The following SLC35A3 variants were observed in gnomAD, a reference collection of about 807,000 sequenced individuals.
SLC35A3 encodes the protein solute carrier family 35 member A3, also known as UDP-N-acetylglucosamine transporter.
Under a neutral mutation model 39.0 loss-of-function variants are expected in SLC35A3, and 26 were observed. The ratio of observed to expected loss-of-function variants is 0.67; its 90% CI spans 0.49 to 0.92. SLC35A3 has a LOEUF of 0.92. Ranked by LOEUF, SLC35A3 falls within the 40% of genes least tolerant of loss-of-function variation. SLC35A3 has a pLI of 0.00. For synonymous variants in SLC35A3, 135 were observed against 133.1 expected, an observed-to-expected ratio of 1.01 and a Z score of -0.10; for missense variants, 299 against 371.6, an observed-to-expected ratio of 0.80 and a Z score of 1.61.
At position 99,984,187 on chromosome 1, in the gene SLC35A3, A is replaced by T. The variant is rs536401864; in HGVS notation, c.-18-9350A>T. Among the ~76,000 whole-genome samples, 109 of 152,332 alleles carry T rather than the reference A, an allele frequency of 7.2e-4. 1 individual carries two copies. The highest frequency in any genetic ancestry group is 1.3e-3 in the Non-Finnish European group (86 of 68,028). Reference sequence around the variant, plus strand: ...TATGAAATATTAAATTTTTAAAAATAGCATAAAAACACTTGTGTCTTATAT... The same window carrying T: ...TATGAAATATTAAATTTTTAAAAATTGCATAAAAACACTTGTGTCTTATAT... On this transcript the variant is annotated intron_variant, in intron 1 of 7. Transcript: ENST00000533028.
At chr1:99,989,283 T>C (rs945839789) in intron 1 of SLC35A3, among the ~76,000 whole-genome samples, 2 of 152,086 alleles carry the variant, frequency 1.3e-5, no homozygotes, top group African/African-American at 4.8e-5. Flanking sequence ...TGTTTTTTTG[T>C]TTTGTTTTGT....
chr1:99,989,344 C>T (rs2101104130), intron 1 of SLC35A3, among the ~76,000 whole-genome samples: 1 of 152,004 alleles, frequency 6.6e-6, no homozygotes, highest in South Asian at 2.1e-4. Context: ...AGTACAATGG[C>T]CTAGTCTTGG....
At position 100,023,182 on chromosome 1, in the gene SLC35A3, T is replaced by C. The variant is rs1018253013; in HGVS notation, c.*706T>C. On this transcript the variant is annotated 3_prime_UTR_variant, in exon 8 of 8. Transcript: ENST00000533028. ...GCAATCCAGTTGCTCCTGTGCTAGA[T>C]GGTAGCCAGAGAATTTTATAGTAAT... The C allele has an allele frequency of 3.9e-5, 6 of 152,204 alleles. No homozygotes were observed. Among genetic ancestry groups the C allele is most frequent in the African/African-American group, 1.4e-4 (6 of 41,458 alleles). The allele number at this position is 152,204 out of a possible 1,614,324, so 9.4% of individuals were successfully genotyped here.
intron 2 of SLC35A3, among the ~76,000 whole-genome samples, chr1:99,994,917 C>T (rs897617965): frequency 6.6e-6 from 1 of 152,192 alleles, no homozygotes; most frequent in Non-Finnish European, 1.5e-5. Flanking sequence ...TTTATATCTC[C>T]ATCAACAAAG....
At chr1:99,970,233 T>G (rs2100995809) in intron 1 of SLC35A3, 71 bp downstream of exon 1, 1 of 232,966 alleles carries the variant, frequency 4.3e-6, no homozygotes, top group African/African-American at 2.3e-5. Context: ...CCCGGGAAGC[T>G]CCTGGAGGAG....
At chr1:99,992,125 T>C (rs758429166) in intron 1 of SLC35A3, among the ~76,000 whole-genome samples, 10 of 152,178 alleles carry the variant, frequency 6.6e-5, no homozygotes, top group Non-Finnish European at 1.2e-4. Flanking sequence ...TGGGTTTTCT[T>C]TTTTGTTGTT....
At position 100,027,941 on chromosome 1, in the gene SLC35A3, C is replaced by CA. The variant is rs1661005779; in HGVS notation, c.*5465_*5466insA. 9.1e-6 allele frequency: 1 copy of CA among 109,718 alleles called. No individual in the cohort carries two copies. The highest frequency in any genetic ancestry group is 2.3e-4 in the East Asian group (1 of 4,320). 6.8% of individuals were successfully genotyped at this position (109,718 alleles called of 1,614,324 possible). ...ATCTGAATCTTATAGATAATACTAC[C>CA]TTTTTTTTTTTTTTTTTTTTTTTTT... On this transcript the variant is annotated 3_prime_UTR_variant, in exon 8 of 8. Coordinates refer to ENST00000533028, the MANE Select transcript of SLC35A3 (RefSeq NM_012243.3).
Position 99,999,348 on chromosome 1 carries a change from G to A in SLC35A3, c.275G>A (p.Gly92Glu). ...METLKLAIPS[G>E]IYTLQNNLLY... Reference sequence around the variant, plus strand: ...ACACTTAAACTTGCTATTCCATCAGGGATCTATACTCTTCAGAATAATTTA... The same window carrying A: ...ACACTTAAACTTGCTATTCCATCAGAGATCTATACTCTTCAGAATAATTTA... Residue 92 changes from glycine to glutamate, a missense_variant, in exon 3 of 8, where the codon GGG becomes GAG. Transcript: ENST00000533028. The A allele has an allele frequency of 6.3e-7, 1 of 1,598,128 alleles. No individual in the cohort carries two copies. The highest frequency in any genetic ancestry group is 8.5e-7 in the Non-Finnish European group (1 of 1,171,474).
intron 1 of SLC35A3, among the ~76,000 whole-genome samples, chr1:99,984,447 T>C (rs1252887244): frequency 4.6e-5 from 7 of 152,266 alleles, no homozygotes; most frequent in Admixed American, 4.6e-4. Context: ...GGCTGAGTAG[T>C]ACTCCATTGT....
intron 1 of SLC35A3, among the ~76,000 whole-genome samples, chr1:99,987,175 C>G (rs557437244): frequency 6.6e-6 from 1 of 152,294 alleles, no homozygotes; most frequent in Non-Finnish European, 1.5e-5. Flanking sequence ...CTAGTAGTGA[C>G]CTTGAACAAA....
Position 100,022,408 on chromosome 1 carries a change from CT to C in SLC35A3, c.912del (p.Val305Ter), listed in dbSNP as rs1224237036. The C allele has an allele frequency of 6.3e-7, 1 of 1,597,692 alleles. No homozygotes were observed. The highest frequency in any genetic ancestry group is 8.6e-7 in the Non-Finnish European group (1 of 1,167,440). ...CAGTGTCTTTTTCCTTGGAGCCATC[CT>C]TGTAATAACAGCTACTTTTTTGTAT... Reference protein sequence around the residue: ...PTSVFFLGAILVITATFLYGY... With the variant: ...PTSVFFLGAIXVITATFLYGY... On this transcript the variant is annotated frameshift_variant, in exon 8 of 8. Coordinates refer to ENST00000533028, the MANE Select transcript of SLC35A3 (RefSeq NM_012243.3). LOFTEE classifies it high-confidence loss of function.
chr1:100,022,189 G>C (rs1329643269), intron 7 of SLC35A3, among the ~76,000 whole-genome samples, 197 bp from the exon 8 acceptor site: 1 of 152,110 alleles, frequency 6.6e-6, no homozygotes, highest in Non-Finnish European at 1.5e-5. Flanking sequence ...TAGATTTGCT[G>C]TGACAACTCA....
At chr1:99,993,814 A>G in intron 2 of SLC35A3, 73 bp downstream of exon 2, 4 of 1,315,046 alleles carry the variant, frequency 3.0e-6, no homozygotes, top group South Asian at 1.3e-5. Flanking sequence ...GTAACTACAC[A>G]TTTGCACTCT....
chr1:99,982,059 C>CAGTA (rs578243254), intron 1 of SLC35A3, among the ~76,000 whole-genome samples: 236 of 145,166 alleles, frequency 1.6e-3, no homozygotes, highest in Non-Finnish European at 2.8e-3. Context: ...GGCTGGAGTG[C>CAGTA]AGTGGCACAA....
At chr1:99,972,380 T>C (rs192439990) in intron 1 of SLC35A3, among the ~76,000 whole-genome samples, 60 of 149,194 alleles carry the variant, frequency 4.0e-4, no homozygotes, top group African/African-American at 1.5e-3. Context: ...TCACGCAGGC[T>C]GGAGTGCAGT....
chr1:100,017,718 T>C lies in SLC35A3; in HGVS notation c.790T>C (p.Tyr264His), dbSNP rs1660255355. ...CCTTGTAATAGCTGCTGTTATTAAG[T>C]ATGCAGATAATATTTTAAAAGGATT... ...GGLVIAAVIK[Y>H]ADNILKGFAT... The change falls in exon 7 of 8, where the codon TAT becomes CAT. Residue 264 changes from tyrosine (Y) to histidine (H), a missense_variant. Tyr to His is a moderately conservative substitution (Grantham distance 83, BLOSUM62 2). Coordinates refer to ENST00000533028, the MANE Select transcript of SLC35A3 (RefSeq NM_012243.3). 1 of 1,575,100 alleles carries C rather than the reference T, an allele frequency of 6.3e-7. No homozygotes were observed. Among genetic ancestry groups the C allele is most frequent in the Non-Finnish European group, 8.6e-7 (1 of 1,161,430 alleles).
intron 4 of SLC35A3, among the ~76,000 whole-genome samples, chr1:100,010,279 T>C (rs1413796089): frequency 6.6e-6 from 1 of 152,186 alleles, no homozygotes; most frequent in Non-Finnish European, 1.5e-5. Flanking sequence ...GTTAATTCTC[T>C]GGTGAAAGCA....
Position 100,027,062 on chromosome 1 carries a change from A to T in SLC35A3, c.*4586A>T. On this transcript the variant is annotated 3_prime_UTR_variant, in exon 8 of 8. Coordinates refer to ENST00000533028, the MANE Select transcript of SLC35A3 (RefSeq NM_012243.3). ...ATTAGTCTTCTCTCTTTATATATCAAAAATGAATTACTGATCTTTTTCTCT... is the reference window on the plus strand; with the variant it reads ...ATTAGTCTTCTCTCTTTATATATCATAAATGAATTACTGATCTTTTTCTCT... 1 of 397,676 alleles carries T rather than the reference A, an allele frequency of 2.5e-6. No homozygotes were observed. The highest frequency in any genetic ancestry group is 4.4e-6 in the Non-Finnish European group (1 of 225,706). The allele number at this position is 397,676 out of a possible 1,614,324, so 24.6% of individuals were successfully genotyped here. A position where few individuals can be genotyped will look rare whatever the true frequency, so the allele number is the denominator to read the frequency against.
At position 100,015,366 on chromosome 1, in the gene SLC35A3, G is replaced by C. The variant is rs1266794648; in HGVS notation, c.699G>C (p.Lys233Asn). ...VYIYDGELVS[K>N]NGFFQGYNRL... Reference sequence around the variant, plus strand: ...TTTATGATGGAGAACTGGTATCAAAGAATGGATTTTTTCAGGGATATAACC... The same window carrying C: ...TTTATGATGGAGAACTGGTATCAAACAATGGATTTTTTCAGGGATATAACC... Residue 233 changes from lysine to asparagine, a missense_variant, in exon 6 of 8, where the codon AAG (lysine) becomes AAC (asparagine). Coordinates refer to ENST00000533028, the MANE Select transcript of SLC35A3 (RefSeq NM_012243.3). The C allele has an allele frequency of 6.2e-7, 1 of 1,613,230 alleles. No individual in the cohort carries two copies. The highest frequency in any genetic ancestry group is 1.7e-5 in the Admixed American group (1 of 59,894).
Sources: gnomAD v4.1 joint callset for allele counts (sites outside exome capture counted in the v4.1 genomes callset) on GRCh38, gnomAD v4.1.1 for gene constraint, MANE v1.5 for transcripts, NCBI Gene and HGNC (gene_info 2026-07-23, HGNC 2026-07-21) for gene names.